The following SPATA7 variants were observed in gnomAD, a reference collection of about 807,000 sequenced individuals.
SPATA7 encodes the protein spermatogenesis associated 7.
SPATA7 carries 43 observed loss-of-function variants against 51.8 expected under a neutral mutation model. The ratio of observed to expected loss-of-function variants is 0.83; its 90% CI spans 0.65 to 1.07. The LOEUF is 1.07. Ranked by LOEUF, SPATA7 falls within the 50% of genes least tolerant of loss-of-function variation. The pLI is 0.00. For synonymous variants in SPATA7, 230 were observed against 252.8 expected (o/e 0.91, Z 0.86); for missense variants, 683 against 701.3 (o/e 0.97, Z 0.30).
chr14:88,404,558 A>T (rs1408858288), intron 4 of SPATA7, among the ~76,000 whole-genome samples: 1 of 152,156 alleles, frequency 6.6e-6, no homozygotes, highest in Non-Finnish European at 1.5e-5. Context: ...CTCTACTAAA[A>T]ATACAGAAAT....
At chr14:88,443,117 G>A (rs2077188652), downstream of SPATA7, among the ~76,000 whole-genome samples, 1 of 151,874 alleles carries the variant, frequency 6.6e-6, no homozygotes, top group Admixed American at 6.6e-5. Flanking sequence ...GCTAATTTTT[G>A]TATTTTTAGT....
intron 4 of SPATA7, chr14:88,467,956 C>T (rs963474692): frequency 2.5e-6 from 2 of 805,362 alleles, no homozygotes; most frequent in Admixed American, 2.4e-5. Context: ...GGTTAGAAAC[C>T]CCTCTTCAGC....
chr14:88,453,725 C>G (rs2077266725), intron 3 of SPATA7, among the ~76,000 whole-genome samples: 1 of 152,134 alleles, frequency 6.6e-6, no homozygotes, highest in Non-Finnish European at 1.5e-5. Context: ...TCTTCATGTG[C>G]TGGTGTAGTA....
intron 4 of SPATA7, among the ~76,000 whole-genome samples, chr14:88,397,690 A>G (rs1326645466): frequency 2.0e-5 from 3 of 151,978 alleles, no homozygotes; most frequent in African/African-American, 7.2e-5. Flanking sequence ...TTGACACAGG[A>G]TATATAGAAT....
chr14:88,428,630 A>C (rs1003825956), intron 7 of SPATA7: 1 of 152,208 alleles, frequency 6.6e-6, no homozygotes, highest in African/African-American at 2.4e-5. Flanking sequence ...TACTAGCTTG[A>C]AATTTTTGGA....
intron 4 of SPATA7, among the ~76,000 whole-genome samples, chr14:88,463,539 T>C (rs935502903): frequency 3.3e-5 from 5 of 152,088 alleles, no homozygotes; most frequent in Non-Finnish European, 2.9e-5. Context: ...ACAGAACACA[T>C]ACAGATACGG....
downstream of SPATA7, among the ~76,000 whole-genome samples, chr14:88,442,634 GA>G (rs2077185418): frequency 6.6e-6 from 1 of 152,156 alleles, no homozygotes; most frequent in African/African-American, 2.4e-5. Flanking sequence ...GCCCTGGTAT[GA>G]AACCCACTTG....
At chr14:88,403,904 C>CA (rs143146708) in intron 4 of SPATA7, among the ~76,000 whole-genome samples, 8,056 of 150,762 alleles carry the variant, frequency 0.053, 307 homozygotes, top group Non-Finnish European at 0.082. Flanking sequence ...GTTCTCACCA[C>CA]AAAAAAAAGA....
intron 10 of SPATA7, 134 bp downstream of exon 10, chr14:88,433,346 CTTATTA>C (rs1204771098): frequency 1.1e-5 from 7 of 656,850 alleles, no homozygotes; most frequent in South Asian, 5.9e-5. Flanking sequence ...TTCTTGGAAA[CTTATTA>C]TTATAATTGA....
intron 4 of SPATA7, chr14:88,468,201 A>G (rs954847570): frequency 6.2e-7 from 1 of 1,612,470 alleles, no homozygotes; most frequent in African/African-American, 1.3e-5. Flanking sequence ...GTACTGGCAG[A>G]GAGTCTGCAC....
chr14:88,418,661 G>A (rs1426970943), intron 5 of SPATA7, among the ~76,000 whole-genome samples: 1 of 151,856 alleles, frequency 6.6e-6, no homozygotes, highest in Non-Finnish European at 1.5e-5. Context: ...TTTTAGTAGA[G>A]TCTAGTTTCA....
intron 4 of SPATA7, among the ~76,000 whole-genome samples, chr14:88,407,767 C>T (rs1213943056): frequency 1.3e-5 from 2 of 152,266 alleles, no homozygotes; most frequent in East Asian, 3.9e-4. Flanking sequence ...TTTAATCCAT[C>T]TTGAGTTAAT....
chr14:88,447,491 G>T (rs1013397578), intron 3 of SPATA7, among the ~76,000 whole-genome samples: 5 of 151,982 alleles, frequency 3.3e-5, no homozygotes, highest in African/African-American at 1.2e-4. Flanking sequence ...TACATTTAAA[G>T]TTAATATTGT....
intron 4 of SPATA7, among the ~76,000 whole-genome samples, chr14:88,403,342 T>A (rs1001754887): frequency 6.6e-6 from 1 of 152,158 alleles, no homozygotes; most frequent in African/African-American, 2.4e-5. Flanking sequence ...GGAAATGAAA[T>A]CAGTATGTCA....
At chr14:88,446,778 A>T (rs1216562219) in intron 3 of SPATA7, among the ~76,000 whole-genome samples, 2 of 151,992 alleles carry the variant, frequency 1.3e-5, no homozygotes, top group Admixed American at 1.3e-4. Flanking sequence ...TTCAGTTTCC[A>T]TGTAGTTGAG....
intron 4 of SPATA7, among the ~76,000 whole-genome samples, chr14:88,409,589 T>C (rs1428979693): frequency 6.6e-6 from 1 of 152,200 alleles, no homozygotes; most frequent in Non-Finnish European, 1.5e-5. Flanking sequence ...CTGTATCTCC[T>C]TCATTTCTGC....
At position 88,469,467 on chromosome 14, in the gene SPATA7, G is replaced by T; in HGVS notation, c.255-380G>T. ...TCTCTGTTTAACACCTCCAGAGGCA[G>T]CTGTCCTCGGAACAAAGTTAAAGTC... On this transcript the variant is annotated intron_variant, in intron 4 of 4. Coordinates refer to the SPATA7 transcript ENST00000556406. The surrounding 1 kb of genome is among the most constrained non-coding windows in gnomAD (Gnocchi z 4.3). The T allele has an allele frequency of 6.5e-7, 1 of 1,534,474 alleles. No individual in the cohort carries two copies. The highest frequency in any genetic ancestry group is 9.0e-7 in the Non-Finnish European group (1 of 1,108,120).
chr14:88,468,860 C>T (rs2077406981), intron 4 of SPATA7: 2 of 1,609,582 alleles, frequency 1.2e-6, no homozygotes, highest in Non-Finnish European at 1.7e-6. Flanking sequence ...CTATGTCCCT[C>T]TCTTCCCCAG....
chr14:88,391,508 C>A, intron 2 of SPATA7, 53 bp downstream of exon 2: 2 of 1,415,362 alleles, frequency 1.4e-6, no homozygotes, highest in Middle Eastern at 1.8e-4. Flanking sequence ...CTGAGTGTTT[C>A]CTTTACTGGC....
Sources: allele counts gnomAD v4.1 joint callset (sites outside exome capture counted in the v4.1 genomes callset), GRCh38; gene constraint gnomAD v4.1.1; non-coding constraint Gnocchi (gnomAD v3.1); transcripts MANE v1.5; gene names NCBI Gene and HGNC (gene_info 2026-07-23, HGNC 2026-07-21).